PRKN: variants seen among roughly 807,000 people sequenced by gnomAD.
PRKN encodes parkin RBR E3 ubiquitin protein ligase.
In PRKN, 56 loss-of-function variants were observed where a neutral mutation model predicts 59.5. The observed-to-expected ratio is 0.94, with a 90% CI of 0.76 to 1.18. The LOEUF (loss-of-function observed/expected upper bound fraction) is 1.18, where lower values mean the gene tolerates loss of function less well. Ranked by LOEUF, PRKN falls within the 50% of genes most tolerant of loss-of-function variation. PRKN has a pLI of 0.00. For synonymous variants in PRKN, 250 were observed against 222.1 expected, an observed-to-expected ratio of 1.13 and a Z score of -1.12; for missense variants, 657 against 596.4, an observed-to-expected ratio of 1.10 and a Z score of -1.06.
chr6:162,234,856 T>A (rs1210026915), intron 3 of PRKN, among the ~76,000 whole-genome samples: 1 of 152,180 alleles, frequency 6.6e-6, no homozygotes, highest in Admixed American at 6.5e-5. Flanking sequence ...CTATGTGGAC[T>A]TCAGCACATC....
At chr6:161,767,961 C>T (rs1789501895) in intron 7 of PRKN, among the ~76,000 whole-genome samples, 2 of 152,070 alleles carry the variant, frequency 1.3e-5, no homozygotes, top group South Asian at 4.1e-4. Flanking sequence ...CTGAAATGTG[C>T]TTTCTGTTAA....
intron 6 of PRKN, among the ~76,000 whole-genome samples, chr6:161,895,593 GA>G (rs1213868361): frequency 1.7e-5 from 2 of 116,024 alleles, no homozygotes; most frequent in East Asian, 3.0e-4. Flanking sequence ...TGAGGCTTCT[GA>G]GATTCAGGAG....
Position 162,306,858 on chromosome 6 carries a change from C to G in PRKN, c.172-44093G>C, listed in dbSNP as rs149596443. ...CAGGCACGCTGCCAATGCTGAGGCC[C>G]AGCACATCCACTCCAGCTGATGCTA... On this transcript the variant is annotated intron_variant, in intron 2 of 11. Transcript: ENST00000366898. Among the ~76,000 whole-genome samples the G allele has an allele frequency of 4.1e-4, 63 of 152,308 alleles. 1 individual carries two copies. Among genetic ancestry groups the G allele is most frequent in the African/African-American group, 1.5e-3 (62 of 41,564 alleles).
chr6:161,996,853 T>A (rs948396725), intron 5 of PRKN, among the ~76,000 whole-genome samples: 7 of 152,018 alleles, frequency 4.6e-5, no homozygotes, highest in South Asian at 2.1e-4. Context: ...ATTTTTTTTT[T>A]AAATTAACAT....
At chr6:162,354,307 T>C (rs1016616857) in intron 2 of PRKN, among the ~76,000 whole-genome samples, 1 of 152,046 alleles carries the variant, frequency 6.6e-6, no homozygotes, top group Non-Finnish European at 1.5e-5. Flanking sequence ...TCACAATTGC[T>C]CATGAGGCAG....
At chr6:162,716,040 A>T (rs891111980) in intron 1 of PRKN, among the ~76,000 whole-genome samples, 2 of 152,248 alleles carry the variant, frequency 1.3e-5, no homozygotes, top group African/African-American at 4.8e-5. Flanking sequence ...CATCTTCACT[A>T]ACTGTGACTT....
Position 161,593,967 on chromosome 6 carries a change from T to C in PRKN, c.872-24551A>G, listed in dbSNP as rs1277235670. Reference sequence around the variant, plus strand: ...GAGTTTGAGACCAGCCTGGCCAACATAGTGAAACCCCATCTCTACTAAAAA... The same window carrying C: ...GAGTTTGAGACCAGCCTGGCCAACACAGTGAAACCCCATCTCTACTAAAAA... On this transcript the variant is annotated intron_variant, in intron 7 of 11. Transcript: ENST00000366898. This position sits in a 1 kb window ranked among gnomAD's most constrained non-coding sequence, Gnocchi z 4.8. Among the ~76,000 whole-genome samples the C allele has an allele frequency of 1.3e-5, 2 of 149,464 alleles. No homozygotes were observed. Among genetic ancestry groups the C allele is most frequent in the East Asian group, 2.0e-4 (1 of 5,072 alleles).
At position 161,373,735 on chromosome 6, in the gene PRKN, G is replaced by A. The variant is rs1320408726; in HGVS notation, c.1167+13059C>T. 2.6e-5 allele frequency among the ~76,000 whole-genome samples: 4 copies of A among 151,676 alleles called. No individual in the cohort carries two copies. The highest frequency in any genetic ancestry group is 5.9e-5 in the Non-Finnish European group (4 of 67,886). The stretch of plus-strand genomic sequence containing the variant: ...TGCAAGGAACAAGTGTAGAGCAGGT[G>A]AACCGTTTTCCTCACACATGGTCAA... On this transcript the variant is annotated intron_variant, in intron 10 of 11. Transcript: ENST00000366898. The surrounding 1 kb of genome is among the most constrained non-coding windows in gnomAD (Gnocchi z 4.8).
intron 1 of PRKN, among the ~76,000 whole-genome samples, chr6:162,566,943 A>C (rs1780108708): frequency 6.6e-6 from 1 of 152,212 alleles, no homozygotes; most frequent in Non-Finnish European, 1.5e-5. Context: ...CCTGGGATGC[A>C]AGGATGATTC....
intron 4 of PRKN, among the ~76,000 whole-genome samples, chr6:162,084,110 T>A (rs1276843770): frequency 1.3e-5 from 2 of 152,116 alleles, no homozygotes; most frequent in Admixed American, 6.5e-5. Flanking sequence ...ATTAAATGCA[T>A]TAGATACATA....
intron 1 of PRKN, among the ~76,000 whole-genome samples, chr6:162,476,199 A>T (rs946259491): frequency 6.6e-6 from 1 of 152,094 alleles, no homozygotes; most frequent in African/African-American, 2.4e-5. Context: ...CTGGGATTAC[A>T]GGCATGTGCC....
intron 7 of PRKN, among the ~76,000 whole-genome samples, chr6:161,703,934 C>T (rs1056577946): frequency 6.8e-6 from 1 of 146,950 alleles, no homozygotes; most frequent in African/African-American, 2.5e-5. Flanking sequence ...CAGCTCACTG[C>T]AACCTCCACC....
intron 9 of PRKN, among the ~76,000 whole-genome samples, chr6:161,476,390 C>T (rs1298426546): frequency 6.6e-6 from 1 of 152,024 alleles, no homozygotes; most frequent in East Asian, 1.9e-4. Flanking sequence ...TAGTAACTTC[C>T]CCCCGAAGCT....
At chr6:161,490,386 CTT>C (rs34217261) in intron 9 of PRKN, among the ~76,000 whole-genome samples, 11 of 112,286 alleles carry the variant, frequency 9.8e-5, no homozygotes, top group African/African-American at 3.2e-4. Flanking sequence ...TCTTTCTTTC[CTT>C]TTTTTTTTTT....
chr6:161,787,138 C>T (rs1446734607), intron 6 of PRKN, among the ~76,000 whole-genome samples: 2 of 152,070 alleles, frequency 1.3e-5, no homozygotes, highest in African/African-American at 4.8e-5. Flanking sequence ...CCTATAAGAG[C>T]TCTTCAAAAG....
intron 1 of PRKN, among the ~76,000 whole-genome samples, chr6:162,536,655 G>C (rs993901373): frequency 2.0e-5 from 3 of 152,142 alleles, no homozygotes; most frequent in Non-Finnish European, 4.4e-5. Context: ...CTTGCTGTCA[G>C]TGAGTTTCCT....
Position 162,023,205 on chromosome 6 carries a change from C to G in PRKN, c.618+30886G>C, listed in dbSNP as rs185820003. On this transcript the variant is annotated intron_variant, in intron 5 of 11. Transcript: ENST00000366898. The stretch of plus-strand genomic sequence containing the variant: ...GGGTGACTGTTTACAGCTCCTAAAG[C>G]CCCAGTGGGCGTGTGTTACAGGGTG... Among the ~76,000 whole-genome samples the G allele has an allele frequency of 3.5e-3, 535 of 152,166 alleles. 5 individuals carry two copies. The highest frequency in any genetic ancestry group is 0.012 in the African/African-American group (492 of 41,528).
At chr6:161,476,045 G>T (rs1036515254) in intron 9 of PRKN, among the ~76,000 whole-genome samples, 6 of 151,808 alleles carry the variant, frequency 4.0e-5, no homozygotes, top group Admixed American at 3.3e-4. Context: ...AAATTAGCCG[G>T]GCGTGGTGGC....
In PRKN at chr6:161,562,895, C is replaced by T. The variant is rs1024425795; in HGVS notation, c.933+6460G>A. 2.0e-5 allele frequency among the ~76,000 whole-genome samples: 3 copies of T among 152,182 alleles called. No homozygotes were observed. The highest frequency in any genetic ancestry group is 4.4e-5 in the Non-Finnish European group (3 of 68,022). On this transcript the variant is annotated intron_variant, in intron 8 of 11. Transcript: ENST00000366898. This position sits in a 1 kb window ranked among gnomAD's most constrained non-coding sequence, Gnocchi z 4.3. ...AATGCTAACCCCTTGCTTAAACCTT[C>T]AAGGATTTCCCACTAAACTCAGAAC...
Sources: allele counts gnomAD v4.1 joint callset (sites outside exome capture counted in the v4.1 genomes callset), GRCh38; gene constraint gnomAD v4.1.1; non-coding constraint Gnocchi (gnomAD v3.1); transcripts MANE v1.5; gene names NCBI Gene and HGNC (gene_info 2026-07-23, HGNC 2026-07-21).